The following UBR3 variants were observed in gnomAD, a reference collection of about 807,000 sequenced individuals.
UBR3 encodes E3 ubiquitin-protein ligase UBR3.
In UBR3, 85 loss-of-function variants were observed where a neutral mutation model predicts 243.2. That is an observed-to-expected ratio of 0.35 (90% CI 0.29 to 0.42). UBR3 has a LOEUF of 0.42. UBR3 is among the 10% of genes least tolerant of loss of function. The pLI is 1.00. For synonymous variants in UBR3, 748 were observed against 799.8 expected, an observed-to-expected ratio of 0.94 and a Z score of 1.09; for missense variants, 1,686 against 2,300.8, an observed-to-expected ratio of 0.73 and a Z score of 5.47.
intron 1 of UBR3, among the ~76,000 whole-genome samples, chr2:169,850,322 G>A (rs2082615186): frequency 6.6e-6 from 1 of 151,820 alleles, no homozygotes; most frequent in Non-Finnish European, 1.5e-5. Context: ...GGGACTAGAG[G>A]CACACGCCAC....
chr2:170,021,900 A>C (rs2090400895), intron 30 of UBR3, among the ~76,000 whole-genome samples: 1 of 152,180 alleles, frequency 6.6e-6, no homozygotes, highest in African/African-American at 2.4e-5. Flanking sequence ...ACTAAGTACC[A>C]TAGATAGTAA....
chr2:169,970,186 T>C (rs2088045172), intron 24 of UBR3, among the ~76,000 whole-genome samples: 1 of 151,476 alleles, frequency 6.6e-6, no homozygotes, highest in Admixed American at 6.6e-5. Context: ...CAGTGTTTTA[T>C]AGTTTTCCTT....
chr2:169,837,113 T>G (rs2082135870), intron 1 of UBR3, among the ~76,000 whole-genome samples: 1 of 152,228 alleles, frequency 6.6e-6, no homozygotes, highest in Admixed American at 6.5e-5. Flanking sequence ...AGGTCTTTTG[T>G]CCATCTGGAA....
chr2:169,926,594 ACAAAAAAC>A, intron 14 of UBR3, 90 bp from the exon 15 acceptor site: 8 of 1,282,682 alleles, frequency 6.2e-6, no homozygotes, highest in Non-Finnish European at 8.5e-6. Flanking sequence ...AAAACAAAAA[ACAAAAAAC>A]AAAAAACAAA....
At chr2:169,956,055 G>C (rs2087271304) in intron 23 of UBR3, among the ~76,000 whole-genome samples, 1 of 151,820 alleles carries the variant, frequency 6.6e-6, no homozygotes, top group South Asian at 2.1e-4. Context: ...TTTTATGTCT[G>C]ACTTTATGTA....
intron 24 of UBR3, among the ~76,000 whole-genome samples, chr2:169,973,701 C>T (rs924763303): frequency 5.3e-5 from 8 of 152,162 alleles, no homozygotes; most frequent in Admixed American, 1.3e-4. Flanking sequence ...ATTTCTCTTG[C>T]CTAAATGCTC....
At chr2:169,884,281 T>C (rs1307692255) in intron 5 of UBR3, among the ~76,000 whole-genome samples, 1 of 151,670 alleles carries the variant, frequency 6.6e-6, no homozygotes, top group Non-Finnish European at 1.5e-5. Context: ...GCCTCCCGAG[T>C]AGCTGGGACT....
chr2:169,964,251 C>CT lies in UBR3; in HGVS notation c.3634+5732dup, dbSNP rs1445838400. On this transcript the variant is annotated intron_variant, in intron 24 of 38. Coordinates refer to ENST00000272793, the MANE Select transcript of UBR3 (RefSeq NM_172070.4). ...GCTCTGAAGTTACTTAAGAGCAGTCCTTTTTTTGTCAGGTGATGTAACTAG... is the reference window on the plus strand; with the variant it reads ...GCTCTGAAGTTACTTAAGAGCAGTCCTTTTTTTTGTCAGGTGATGTAACTAG... The CT allele has an allele frequency of 5.4e-5, 15 of 278,078 alleles. No individual in the cohort carries two copies. The East Asian group carries it at 1.3e-3, about 25-fold the overall frequency. 17.2% of individuals were successfully genotyped at this position (278,078 alleles called of 1,614,324 possible). A position where few individuals can be genotyped will look rare whatever the true frequency, so the allele number is the denominator to read the frequency against.
intron 10 of UBR3, among the ~76,000 whole-genome samples, chr2:169,909,125 G>C (rs997916854): frequency 1.3e-5 from 2 of 152,082 alleles, no homozygotes; most frequent in Non-Finnish European, 2.9e-5. Flanking sequence ...GCCCGGCCTT[G>C]ATTGGTCCTT....
intron 2 of UBR3, among the ~76,000 whole-genome samples, chr2:169,875,332 T>G (rs929760888): frequency 4.6e-5 from 7 of 152,238 alleles, no homozygotes; most frequent in Middle Eastern, 3.4e-3. Context: ...TGCTGCTGCT[T>G]CTTTTTGTTG....
At chr2:169,870,735 C>G (rs2083408459) in intron 1 of UBR3, among the ~76,000 whole-genome samples, 1 of 151,556 alleles carries the variant, frequency 6.6e-6, no homozygotes. Context: ...CTCACTGCAA[C>G]CTCCGCCTCC....
chr2:170,000,951 A>G (rs963465662), intron 26 of UBR3, among the ~76,000 whole-genome samples: 1 of 152,182 alleles, frequency 6.6e-6, no homozygotes, highest in African/African-American at 2.4e-5. Context: ...AATGTCAGAA[A>G]TCATAGAGAG....
chr2:169,830,578 A>C (rs2081900628), intron 1 of UBR3, among the ~76,000 whole-genome samples: 1 of 152,102 alleles, frequency 6.6e-6, no homozygotes, highest in Non-Finnish European at 1.5e-5. Flanking sequence ...GAGCCAGACT[A>C]ATCAACCATT....
chr2:169,933,718 A>G (rs1427895575), intron 19 of UBR3, among the ~76,000 whole-genome samples: 1 of 152,226 alleles, frequency 6.6e-6, no homozygotes, highest in East Asian at 1.9e-4. Context: ...TTGAGAAAGT[A>G]TTAGTACTTA....
chr2:169,901,532 C>T (rs574875133), intron 8 of UBR3, among the ~76,000 whole-genome samples: 3 of 152,272 alleles, frequency 2.0e-5, no homozygotes, highest in Admixed American at 6.5e-5. Context: ...TAACTAGCCA[C>T]GGATATTACA....
chr2:169,943,767 A>G (rs2105357578), intron 20 of UBR3, among the ~76,000 whole-genome samples: 2 of 152,342 alleles, frequency 1.3e-5, no homozygotes, highest in East Asian at 1.9e-4. Context: ...TCAAAGAAAA[A>G]TGAGAATATT....
rs756621753 is a variant in UBR3, at chr2:169,932,956, C to T, written c.2611C>T (p.Arg871Ter). ...GTTTGACCCCGTCATGGTCATTCTT[C>T]GAACAGTTTACCGTAGAGATGTGCA... ...QEFDPVMVIL[R>*]TVYRRDVQSA... Residue 871 changes from arginine to a stop codon, truncating the protein, a stop_gained, in exon 19 of 39, where the codon CGA (arginine) becomes TGA (stop). Coordinates refer to ENST00000272793, the MANE Select transcript of UBR3 (RefSeq NM_172070.4). LOFTEE classifies it high-confidence loss of function. The T allele has an allele frequency of 1.3e-6, 2 of 1,540,568 alleles. No individual in the cohort carries two copies. The highest frequency in any genetic ancestry group is 8.7e-7 in the Non-Finnish European group (1 of 1,144,222).
chr2:170,012,685 T>TC (rs1162732297), intron 29 of UBR3, among the ~76,000 whole-genome samples: 1 of 151,126 alleles, frequency 6.6e-6, no homozygotes, highest in Admixed American at 6.6e-5. Flanking sequence ...TTTTTTTTTT[T>TC]TTTCCCCCTG....
chr2:170,043,320 C>A (rs992554770), intron 32 of UBR3, among the ~76,000 whole-genome samples: 12 of 152,090 alleles, frequency 7.9e-5, no homozygotes, highest in African/African-American at 2.9e-4. Context: ...TGGTGCATCA[C>A]CCTCGTTGTC....
Sources: gnomAD v4.1 joint callset for allele counts (sites outside exome capture counted in the v4.1 genomes callset) on GRCh38, gnomAD v4.1.1 for gene constraint, MANE v1.5 for transcripts, NCBI Gene and HGNC (gene_info 2026-07-23, HGNC 2026-07-21) for gene names.